The following SFTPB variants were observed in gnomAD, a reference collection of about 807,000 sequenced individuals.
The protein encoded by SFTPB is pulmonary surfactant-associated protein B.
Under a neutral mutation model 51.0 loss-of-function variants are expected in SFTPB, and 32 were observed. The ratio of observed to expected loss-of-function variants is 0.63; its 90% CI spans 0.47 to 0.84. The LOEUF is 0.84. Ranked by LOEUF, SFTPB falls within the 40% of genes least tolerant of loss-of-function variation. The pLI is 0.00. For synonymous variants in SFTPB, 211 were observed against 208.5 expected, an observed-to-expected ratio of 1.01 and a Z score of -0.10; for missense variants, 431 against 491.2, an observed-to-expected ratio of 0.88 and a Z score of 1.16.
chr2:85,662,755 C>A lies in SFTPB; in HGVS notation c.1002+591G>T, dbSNP rs189340299. Among the ~76,000 whole-genome samples the A allele has an allele frequency of 2.4e-4, 36 of 149,874 alleles. No individual in the cohort carries two copies. The East Asian group carries it at 6.7e-3, about 28-fold the overall frequency. On this transcript the variant is annotated intron_variant, in intron 8 of 10. Transcript: ENST00000519937. ...ACTCAAGAGGCTGAGGCAGGAGAAT[C>A]GCCTGAACCCGGAGGCAGAGGTTGC...
chr2:85,667,571 T>G, intron 2 of SFTPB, 108 bp downstream of exon 2: 1 of 1,382,158 alleles, frequency 7.2e-7, no homozygotes, highest in Non-Finnish European at 1.0e-6. Flanking sequence ...TCCCATTTCA[T>G]CTCATCCATC....
At chr2:85,668,385 T>TCCTTTGCCCCCTGCCC (rs1677763791), upstream of SFTPB, 2 of 614,798 alleles carry the variant, frequency 3.3e-6, no homozygotes, top group South Asian at 3.8e-5. Flanking sequence ...TGTTCCTGCC[T>TCCTTTGCCCCCTGCCC]CCTTTGCCCC....
chr2:85,659,991 G>T (rs1455564545), intron 10 of SFTPB, among the ~76,000 whole-genome samples: 1 of 152,194 alleles, frequency 6.6e-6, no homozygotes. Context: ...GGCTTGTGAT[G>T]CAGGGTTTCA....
chr2:85,666,140 A>G (rs933827744), intron 4 of SFTPB, among the ~76,000 whole-genome samples: 1 of 150,752 alleles, frequency 6.6e-6, no homozygotes, highest in Non-Finnish European at 1.5e-5. Context: ...GCTGAAGGGC[A>G]CGTAGTTTCC....
At chr2:85,663,574 G>A (rs2104401000) in intron 7 of SFTPB, 83 bp from the exon 8 acceptor site, 1 of 1,596,540 alleles carries the variant, frequency 6.3e-7, no homozygotes, top group Non-Finnish European at 8.5e-7. Flanking sequence ...GTGCATTGCA[G>A]TGGGACCACA....
At position 85,657,774 on chromosome 2, in the gene SFTPB, G is replaced by C. The variant is rs982693791; in HGVS notation, c.*1928C>G. The C allele has an allele frequency of 2.0e-5, 3 of 152,196 alleles. No individual in the cohort carries two copies. The highest frequency in any genetic ancestry group is 4.4e-5 in the Non-Finnish European group (3 of 68,006). The allele number at this position is 152,196 out of a possible 1,614,324, so 9.4% of individuals were successfully genotyped here. On this transcript the variant is annotated 3_prime_UTR_variant, in exon 11 of 11. Coordinates refer to ENST00000519937, the MANE Select transcript of SFTPB (RefSeq NM_000542.5). ...GGTGGTGGGATTATCATTAGTTCTT[G>C]TAGGTTTGGGATAGGCGGTGGAGTT... is the stretch of plus-strand genomic sequence containing the variant.
At chr2:85,661,424 A>C in intron 10 of SFTPB, 30 bp downstream of exon 10, 1 of 1,507,420 alleles carries the variant, frequency 6.6e-7, no homozygotes. Flanking sequence ...CTGCCCCCTT[A>C]CCTCCCCGCA....
chr2:85,663,983 TAAG>T (rs1677451568), intron 6 of SFTPB, 136 bp from the exon 7 acceptor site: 3 of 817,894 alleles, frequency 3.7e-6, no homozygotes, highest in Non-Finnish European at 5.8e-6. Flanking sequence ...TATTCACAAA[TAAG>T]GACACTGGGG....
At chr2:85,665,847 C>T (rs1677558379) in intron 4 of SFTPB, 53 bp from the exon 5 acceptor site, 1 of 1,564,098 alleles carries the variant, frequency 6.4e-7, no homozygotes, top group Non-Finnish European at 8.8e-7. Flanking sequence ...AAGCCCACCC[C>T]TATTCAGGCC....
chr2:85,660,040 G>A (rs1385555013), intron 10 of SFTPB, among the ~76,000 whole-genome samples: 2 of 152,092 alleles, frequency 1.3e-5, no homozygotes, highest in Admixed American at 6.5e-5. Flanking sequence ...TGGAAGAAGT[G>A]GACTTGGCTG....
chr2:85,660,545 G>T (rs564083928), intron 10 of SFTPB, among the ~76,000 whole-genome samples: 1 of 148,396 alleles, frequency 6.7e-6, no homozygotes, highest in Non-Finnish European at 1.5e-5. Context: ...CGCCTCCCAG[G>T]TTCAAGTGAT....
chr2:85,661,277 GT>G, intron 10 of SFTPB, 176 bp downstream of exon 10: 2 of 538,664 alleles, frequency 3.7e-6, no homozygotes, highest in Non-Finnish European at 3.4e-6. Flanking sequence ...CGGAAAGGGT[GT>G]TTTCCTGATG....
rs940162516 is a variant in SFTPB, at chr2:85,658,893, G to A, written c.*809C>T. ...AGAGAATAGGACTTTATTAGCATTG[G>A]TGCAGACATTGTATTACACAGGAAT... On this transcript the variant is annotated 3_prime_UTR_variant, in exon 11 of 11. Coordinates refer to ENST00000519937, the MANE Select transcript of SFTPB (RefSeq NM_000542.5). 1 of 152,020 alleles carries A rather than the reference G, an allele frequency of 6.6e-6. No individual in the cohort carries two copies. Among genetic ancestry groups the A allele is most frequent in the Non-Finnish European group, 1.5e-5 (1 of 68,030 alleles). The allele number at this position is 152,020 out of a possible 1,614,324, so 9.4% of individuals were successfully genotyped here.
Position 85,662,110 on chromosome 2 carries a change from C to T in SFTPB, c.1003-1G>A. ...TGTGCTGCTCCACAAATTGCTTGCA[C>T]TGAGGAAGGAGACACACAGCTGTGG... On this transcript the variant is annotated splice_acceptor_variant, in intron 8 of 10. Transcript: ENST00000519937. LOFTEE classifies it high-confidence loss of function. 6.3e-7 allele frequency: 1 copy of T among 1,599,838 alleles called. No homozygotes were observed. The highest frequency in any genetic ancestry group is 8.5e-7 in the Non-Finnish European group (1 of 1,174,742).
At chr2:85,664,838 G>A (rs186158587) in intron 6 of SFTPB, among the ~76,000 whole-genome samples, 19 of 152,340 alleles carry the variant, frequency 1.2e-4, no homozygotes, top group African/African-American at 4.1e-4. Flanking sequence ...CTGGGCTGGC[G>A]GGGCCATTGG....
Position 85,667,763 on chromosome 2 carries a change from C to G in SFTPB, c.111G>C (p.Glu37Asp), listed in dbSNP as rs1191122215. 1 of 1,614,168 alleles carries G rather than the reference C, an allele frequency of 6.2e-7. No individual in the cohort carries two copies. Among genetic ancestry groups the G allele is most frequent in the Non-Finnish European group, 8.5e-7 (1 of 1,180,062 alleles). The change falls in exon 2 of 11, where the codon GAG becomes GAC. Residue 37 changes from glutamate to aspartate, a missense_variant. By Grantham distance (45) the Glu-to-Asp change is conservative (BLOSUM62 2). Coordinates refer to ENST00000519937, the MANE Select transcript of SFTPB (RefSeq NM_000542.5). ...CTTGCTCCAGGCTTTGGCACCAGAACTCAGGGCCCTGGGCACAGGCCAAGG... is the reference window on the plus strand; with the variant it reads ...CTTGCTCCAGGCTTTGGCACCAGAAGTCAGGGCCCTGGGCACAGGCCAAGG... Reference protein sequence around the residue: ...TSSLACAQGPEFWCQSLEQAL... With the variant: ...TSSLACAQGPDFWCQSLEQAL...
In SFTPB at chr2:85,665,312, G is replaced by A. The variant is rs758775152; in HGVS notation, c.649C>T (p.Arg217Trp). ...ACCTTGGGAATCATGGCTTGGATCCGCTTGATCAGAGCCCTGCAGAGCCAG... is the reference window on the plus strand; with the variant it reads ...ACCTTGGGAATCATGGCTTGGATCCACTTGATCAGAGCCCTGCAGAGCCAG... Reference protein sequence around the residue: ...YCWLCRALIKRIQAMIPKGAL... With the variant: ...YCWLCRALIKWIQAMIPKGAL... Residue 217 changes from arginine to tryptophan, a missense_variant, in exon 6 of 11, where the codon CGG (arginine) becomes TGG (tryptophan). Transcript: ENST00000519937. The A allele has an allele frequency of 1.1e-5, 17 of 1,613,698 alleles. No homozygotes were observed. The highest frequency in any genetic ancestry group is 2.2e-5 in the East Asian group (1 of 44,890).
Position 85,665,147 on chromosome 2 carries a change from T to A in SFTPB, c.672+142A>T, listed in dbSNP as rs45438802. Reference sequence around the variant, plus strand: ...CCCAGGGTCCCCTGGGTGGGGGCAATGCACAAGCGGCTCTCTCCCCTCCTA... The same window carrying A: ...CCCAGGGTCCCCTGGGTGGGGGCAAAGCACAAGCGGCTCTCTCCCCTCCTA... On this transcript the variant is annotated intron_variant, in intron 6 of 10. Coordinates refer to ENST00000519937, the MANE Select transcript of SFTPB (RefSeq NM_000542.5). 1.2e-4 allele frequency: 94 copies of A among 758,180 alleles called. 1 individual carries two copies. The highest frequency in any genetic ancestry group is 1.8e-4 in the South Asian group (13 of 71,776). 47.0% of individuals were successfully genotyped at this position (758,180 alleles called of 1,614,324 possible).
Position 85,662,078 on chromosome 2 carries a change from TG to T in SFTPB, c.1033del (p.Gln345SerfsTer3). The T allele has an allele frequency of 6.2e-7, 1 of 1,603,428 alleles. No homozygotes were observed. The part of the protein sequence containing the change: ...CKQFVEQHTP[Q>X]LLTLVPRGWD... Reference sequence around the variant, plus strand: ...GCCCCTGGGCACCAGGGTCAGCAGCTGGGGCGTGTGCTGCTCCACAAATTGC... The same window carrying T: ...GCCCCTGGGCACCAGGGTCAGCAGCTGGGCGTGTGCTGCTCCACAAATTGC... On this transcript the variant is annotated frameshift_variant, in exon 9 of 11. Coordinates refer to ENST00000519937, the MANE Select transcript of SFTPB (RefSeq NM_000542.5). LOFTEE classifies it high-confidence loss of function.
Sources: gnomAD v4.1 joint callset for allele counts (sites outside exome capture counted in the v4.1 genomes callset) on GRCh38, gnomAD v4.1.1 for gene constraint, MANE v1.5 for transcripts, NCBI Gene and HGNC (gene_info 2026-07-23, HGNC 2026-07-21) for gene names.